The following ZNF407 variants were observed in gnomAD, a reference collection of about 807,000 sequenced individuals.
ZNF407 encodes the protein zinc finger protein 407.
Under a neutral mutation model 131.2 loss-of-function variants are expected in ZNF407, and 17 were observed. The observed-to-expected ratio is 0.13, with a 90% confidence interval of 0.09 to 0.19. The LOEUF (loss-of-function observed/expected upper bound fraction) is 0.19. Ranked by LOEUF, ZNF407 falls within the 10% of genes least tolerant of loss-of-function variation. ZNF407 has a pLI of 1.00. For synonymous variants in ZNF407, 1,156 were observed against 1,062.0 expected, an observed-to-expected ratio of 1.09 and a Z score of -1.72; for missense variants, 2,681 against 2,830.6, an observed-to-expected ratio of 0.95 and a Z score of 1.20.
intron 6 of ZNF407, among the ~76,000 whole-genome samples, chr18:74,881,376 A>C (rs190436427): frequency 7.5e-4 from 115 of 152,342 alleles, no homozygotes; most frequent in African/African-American, 2.7e-3. Context: ...GTAAAACAGC[A>C]GGTTGGCTTC....
At chr18:74,744,590 G>A (rs1240466154) in intron 3 of ZNF407, among the ~76,000 whole-genome samples, 1 of 152,090 alleles carries the variant, frequency 6.6e-6, no homozygotes, top group Non-Finnish European at 1.5e-5. Context: ...GAGAAAACAA[G>A]TTTGTGGACA....
intron 4 of ZNF407, among the ~76,000 whole-genome samples, chr18:74,866,195 G>A (rs1599206947): frequency 6.6e-6 from 1 of 152,246 alleles, no homozygotes; most frequent in East Asian, 1.9e-4. Context: ...TTGGTCTACT[G>A]CACTAAAATC....
At chr18:74,839,913 A>G (rs1256681201) in intron 4 of ZNF407, among the ~76,000 whole-genome samples, 1 of 152,226 alleles carries the variant, frequency 6.6e-6, no homozygotes, top group Non-Finnish European at 1.5e-5. Flanking sequence ...GTTAGACTCT[A>G]TAAAGCACGG....
intron 1 of ZNF407, among the ~76,000 whole-genome samples, chr18:74,599,623 G>T (rs901045845): frequency 6.6e-6 from 1 of 152,198 alleles, no homozygotes; most frequent in African/African-American, 2.4e-5. Flanking sequence ...CTTCTTGCAG[G>T]ATATGTGATT....
At chr18:74,831,503 C>G (rs1353455680) in intron 4 of ZNF407, among the ~76,000 whole-genome samples, 1 of 152,262 alleles carries the variant, frequency 6.6e-6, no homozygotes, top group Admixed American at 6.5e-5. Context: ...TATGTAAGTG[C>G]AGTCTTATAG....
intron 4 of ZNF407, among the ~76,000 whole-genome samples, chr18:74,838,773 G>T (rs1284975820): frequency 6.6e-6 from 1 of 152,062 alleles, no homozygotes; most frequent in Non-Finnish European, 1.5e-5. Flanking sequence ...TATATGTTGG[G>T]CTATTTGAGT....
At chr18:75,026,211 A>G (rs1005093793) in intron 8 of ZNF407, among the ~76,000 whole-genome samples, 3 of 152,246 alleles carry the variant, frequency 2.0e-5, no homozygotes, top group Non-Finnish European at 4.4e-5. Context: ...AAATCTCTTT[A>G]ATCTTGCTAA....
intron 4 of ZNF407, among the ~76,000 whole-genome samples, chr18:74,868,136 A>G (rs997868438): frequency 6.6e-6 from 1 of 152,240 alleles, no homozygotes; most frequent in African/African-American, 2.4e-5. Flanking sequence ...TGACATGCAA[A>G]GGAAACAGAG....
chr18:74,995,277 AC>A (rs1972767273), intron 8 of ZNF407, among the ~76,000 whole-genome samples: 1 of 152,040 alleles, frequency 6.6e-6, no homozygotes, highest in South Asian at 2.1e-4. Flanking sequence ...GCTAAAGGAG[AC>A]CACATCCATG....
chr18:75,029,171 T>G (rs1286632460), intron 8 of ZNF407, among the ~76,000 whole-genome samples: 3 of 152,198 alleles, frequency 2.0e-5, no homozygotes, highest in Admixed American at 2.0e-4. Context: ...ATGTTCTGCT[T>G]GTTTGTTCAT....
chr18:75,035,434 G>A (rs1201598402), intron 8 of ZNF407, among the ~76,000 whole-genome samples: 2 of 152,108 alleles, frequency 1.3e-5, no homozygotes, highest in East Asian at 3.8e-4. Context: ...AGCAAATAAC[G>A]GTTTAGTGAT....
intron 3 of ZNF407, 74 bp from the exon 4 acceptor site, chr18:74,781,354 T>G: frequency 9.4e-7 from 1 of 1,058,302 alleles, no homozygotes; most frequent in Non-Finnish European, 1.4e-6. Context: ...TATATTATTC[T>G]TAAGTTCTCT....
At chr18:74,767,148 G>C (rs978343805) in intron 3 of ZNF407, among the ~76,000 whole-genome samples, 1 of 152,174 alleles carries the variant, frequency 6.6e-6, no homozygotes, top group African/African-American at 2.4e-5. Context: ...CTGACCTCAG[G>C]TGATCCACCT....
rs1973457506 is a variant in ZNF407, at chr18:75,048,170, C to T, written c.5429-14980C>T. ...GCTGACACCTGTCAGCAGCACCAGGCCTGTGCCTCGTCTCCCGGTGACCTG... is the reference window on the plus strand; with the variant it reads ...GCTGACACCTGTCAGCAGCACCAGGTCTGTGCCTCGTCTCCCGGTGACCTG... On this transcript the variant is annotated intron_variant, in intron 8 of 8. Coordinates refer to ENST00000299687, the MANE Select transcript of ZNF407 (RefSeq NM_017757.3). This position sits in a 1 kb window ranked among gnomAD's most constrained non-coding sequence, Gnocchi z 4.1. Among the ~76,000 whole-genome samples the T allele has an allele frequency of 6.6e-6, 1 of 152,198 alleles. No individual in the cohort carries two copies. The highest frequency in any genetic ancestry group is 2.1e-4 in the South Asian group (1 of 4,832).
At chr18:74,852,191 A>ACACACG (rs1555694773) in intron 4 of ZNF407, among the ~76,000 whole-genome samples, 1 of 74,268 alleles carries the variant, frequency 1.3e-5, no homozygotes, top group Non-Finnish European at 3.0e-5. Flanking sequence ...ACACACACAC[A>ACACACG]CACACACGCA....
chr18:74,719,692 T>C (rs894583667), intron 3 of ZNF407, among the ~76,000 whole-genome samples: 6 of 152,218 alleles, frequency 3.9e-5, no homozygotes, highest in Admixed American at 6.5e-5. Flanking sequence ...CGTGAGCCAC[T>C]GCACTCAGCC....
chr18:74,601,329 C>A (rs796249016), intron 1 of ZNF407, among the ~76,000 whole-genome samples: 1 of 144,862 alleles, frequency 6.9e-6, no homozygotes, highest in South Asian at 2.3e-4. Flanking sequence ...GTGTGTATGT[C>A]TGTGTGTGTG....
intron 8 of ZNF407, among the ~76,000 whole-genome samples, chr18:74,973,739 T>C (rs1395911408): frequency 6.6e-6 from 1 of 152,186 alleles, no homozygotes; most frequent in Non-Finnish European, 1.5e-5. Flanking sequence ...CCATGCTTCC[T>C]CTGAAGTCAC....
intron 4 of ZNF407, among the ~76,000 whole-genome samples, chr18:74,848,892 G>A (rs1223057160): frequency 1.3e-5 from 2 of 152,106 alleles, no homozygotes; most frequent in South Asian, 2.1e-4. Context: ...TTTTTGTGAT[G>A]TATGCGTGAA....
Sources: allele counts gnomAD v4.1 joint callset (sites outside exome capture counted in the v4.1 genomes callset), GRCh38; gene constraint gnomAD v4.1.1; non-coding constraint Gnocchi (gnomAD v3.1); transcripts MANE v1.5; gene names NCBI Gene and HGNC (gene_info 2026-07-23, HGNC 2026-07-21).